Variants in DOCK4 observed in about 807,000 individuals in gnomAD.
DOCK4 encodes dedicator of cytokinesis 4, also known as dedicator of cytokinesis protein 4.
In DOCK4, 97 loss-of-function variants were observed where a neutral mutation model predicts 268.1. The observed-to-expected ratio is 0.36, with a 90% CI of 0.31 to 0.43. The LOEUF is 0.43. Among genes scored for constraint, DOCK4 ranks in the 20% least tolerant of loss-of-function variants. The pLI is 1.00. For synonymous variants in DOCK4, 954 were observed against 887.2 expected (o/e 1.08, Z -1.34); for missense variants, 2,145 against 2,455.7 (o/e 0.87, Z 2.67).
chr7:111,976,406 T>A (rs970332894), intron 8 of DOCK4: 8 of 148,164 alleles, frequency 5.4e-5, no homozygotes, highest in Non-Finnish European at 8.9e-5. Flanking sequence ...GTGTGATTTG[T>A]GTGATTCAAT....
At chr7:111,876,180 A>T (rs1806854489) in intron 17 of DOCK4, among the ~76,000 whole-genome samples, 1 of 152,234 alleles carries the variant, frequency 6.6e-6, no homozygotes, top group African/African-American at 2.4e-5. Context: ...CTGGTATAAC[A>T]TATCTTAACT....
intron 30 of DOCK4, among the ~76,000 whole-genome samples, 193 bp from the exon 31 acceptor site, chr7:111,790,798 G>A (rs904796226): frequency 6.6e-6 from 1 of 151,866 alleles, no homozygotes; most frequent in African/African-American, 2.4e-5. Context: ...AGTGGCTCAC[G>A]CCTGTAATCC....
chr7:111,996,785 C>T (rs1365986357), intron 4 of DOCK4, among the ~76,000 whole-genome samples: 1 of 152,162 alleles, frequency 6.6e-6, no homozygotes, highest in East Asian at 1.9e-4. Flanking sequence ...CAGATATACA[C>T]CAGTTACTAA....
intron 1 of DOCK4, among the ~76,000 whole-genome samples, chr7:112,073,458 T>C (rs1161300378): frequency 2.0e-5 from 3 of 152,032 alleles, no homozygotes; most frequent in Admixed American, 2.0e-4. Context: ...TGTAAAATAA[T>C]ACATGTATTA....
intron 7 of DOCK4, among the ~76,000 whole-genome samples, chr7:111,982,691 CATG>C (rs1009423777): frequency 1.3e-5 from 2 of 152,196 alleles, no homozygotes; most frequent in African/African-American, 4.8e-5. Flanking sequence ...CCAGTCTTTT[CATG>C]ATACCATAAT....
chr7:112,019,138 T>C (rs561858349), intron 1 of DOCK4, among the ~76,000 whole-genome samples: 1 of 152,342 alleles, frequency 6.6e-6, no homozygotes, highest in Non-Finnish European at 1.5e-5. Flanking sequence ...TCAAAGTATT[T>C]CATTTTTTGG....
In DOCK4 at chr7:111,874,392, G is replaced by A. The variant is rs117559795; in HGVS notation, c.1745-1828C>T. Among the ~76,000 whole-genome samples the A allele has an allele frequency of 3.0e-4, 45 of 152,196 alleles. No individual in the cohort carries two copies. The East Asian group carries it at 8.5e-3, about 29-fold the overall frequency. ...GACTAGGGCCCATTTAAGTAGGGCT[G>A]GAAAACAGATTACAGGGGTCCAGAA... On this transcript the variant is annotated intron_variant, in intron 17 of 52. Transcript: ENST00000428084.
At chr7:111,917,038 A>G (rs1792662470) in intron 12 of DOCK4, among the ~76,000 whole-genome samples, 3 of 123,970 alleles carry the variant, frequency 2.4e-5, no homozygotes. Context: ...CCCAGGCTGG[A>G]GTACAGTGGC....
intron 20 of DOCK4, among the ~76,000 whole-genome samples, chr7:111,870,790 T>C (rs1333412899): frequency 6.6e-6 from 1 of 152,206 alleles, no homozygotes; most frequent in African/African-American, 2.4e-5. Flanking sequence ...GCCTTATTTG[T>C]CTTTTTAAGA....
intron 7 of DOCK4, among the ~76,000 whole-genome samples, chr7:111,977,681 T>G (rs756383371): frequency 6.6e-6 from 1 of 152,184 alleles, no homozygotes; most frequent in Non-Finnish European, 1.5e-5. Context: ...ACTCCCAAGA[T>G]GAGAACAAAT....
At chr7:111,922,078 G>A (rs186316475) in intron 12 of DOCK4, among the ~76,000 whole-genome samples, 11 of 152,256 alleles carry the variant, frequency 7.2e-5, no homozygotes, top group African/African-American at 9.6e-5. Context: ...ATGCGAAGGC[G>A]GTGAAATTCC....
rs1797999858 is a variant in DOCK4 at position 111,769,732 on chromosome 7, T to C, written c.3680-55A>G. The C allele has an allele frequency of 3.8e-6, 6 of 1,562,748 alleles. No individual in the cohort carries two copies. The South Asian group carries it at 4.6e-5, about 12-fold the overall frequency. ...AGACAGGACCCCAAGCCACATTCCC[T>C]CAAATGTGGCCAGTTTCCGACAAAC... is the stretch of plus-strand genomic sequence containing the variant. On this transcript the variant is annotated intron_variant, in intron 36 of 52. Transcript: ENST00000428084.
chr7:111,801,155 A>C (rs906638727), intron 30 of DOCK4, among the ~76,000 whole-genome samples: 2 of 152,194 alleles, frequency 1.3e-5, no homozygotes, highest in Non-Finnish European at 2.9e-5. Context: ...TGTTCAGAAC[A>C]TCATGGCGAC....
chr7:112,040,161 G>T (rs1486718936), intron 1 of DOCK4, among the ~76,000 whole-genome samples: 1 of 152,078 alleles, frequency 6.6e-6, no homozygotes, highest in African/African-American at 2.4e-5. Context: ...CAATTGAATG[G>T]AAATTCTTCA....
intron 26 of DOCK4, among the ~76,000 whole-genome samples, chr7:111,832,099 A>G (rs1224478881): frequency 6.6e-6 from 1 of 152,214 alleles, no homozygotes; most frequent in Non-Finnish European, 1.5e-5. Context: ...ATAAACAAAA[A>G]TATTCCAGAT....
intron 1 of DOCK4, among the ~76,000 whole-genome samples, chr7:112,093,887 A>G (rs1344896066): frequency 6.6e-6 from 1 of 151,374 alleles, no homozygotes; most frequent in East Asian, 1.9e-4. Flanking sequence ...GGAAAAAAAA[A>G]AAAAACAGAA....
At chr7:112,006,431 C>A (rs998744930) in intron 1 of DOCK4, among the ~76,000 whole-genome samples, 1 of 152,206 alleles carries the variant, frequency 6.6e-6, no homozygotes, top group African/African-American at 2.4e-5. Flanking sequence ...AAAACTCATT[C>A]TTTCATAGGA....
intron 40 of DOCK4, 73 bp from the exon 41 acceptor site, chr7:111,758,863 G>A: frequency 7.1e-7 from 1 of 1,400,646 alleles, no homozygotes; most frequent in South Asian, 1.3e-5. Context: ...CTGAGCTATG[G>A]CAGAGAGAAG....
At chr7:111,881,456 C>T (rs76253400) in intron 16 of DOCK4, among the ~76,000 whole-genome samples, 33 of 152,234 alleles carry the variant, frequency 2.2e-4, no homozygotes, top group African/African-American at 6.7e-4. Flanking sequence ...GAAAAGGGAA[C>T]CCTCATACAC....
Sources: allele counts gnomAD v4.1 joint callset (sites outside exome capture counted in the v4.1 genomes callset), GRCh38; gene constraint gnomAD v4.1.1; transcripts MANE v1.5; gene names NCBI Gene and HGNC (gene_info 2026-07-23, HGNC 2026-07-21).